The following BOLL variants were observed in gnomAD, a reference collection of about 807,000 sequenced individuals.
BOLL encodes boule RNA binding protein, also known as protein boule-like.
BOLL carries 23 observed loss-of-function variants against 44.4 expected under a neutral mutation model. That is an observed-to-expected ratio of 0.52 (90% CI 0.37 to 0.73). The LOEUF is 0.73. Ranked by LOEUF, BOLL falls within the 30% of genes least tolerant of loss-of-function variation. BOLL has a pLI of 0.00. For missense variants in BOLL, 287 were observed against 338.3 expected, an observed-to-expected ratio of 0.85 and a Z score of 1.19; for synonymous variants, 97 against 110.8, an observed-to-expected ratio of 0.88 and a Z score of 0.78.
At chr2:197,739,409 G>A (rs1349591053) in intron 10 of BOLL, among the ~76,000 whole-genome samples, 1 of 152,152 alleles carries the variant, frequency 6.6e-6, no homozygotes, top group African/African-American at 2.4e-5. Context: ...CTATAGGGGT[G>A]CACCACCATG....
intron 7 of BOLL, among the ~76,000 whole-genome samples, chr2:197,760,317 A>C (rs1688696935): frequency 6.6e-6 from 1 of 152,192 alleles, no homozygotes; most frequent in Non-Finnish European, 1.5e-5. Context: ...ACAGCCCCTG[A>C]CAAACATGTC....
At chr2:197,759,675 C>T (rs554813631) in intron 7 of BOLL, among the ~76,000 whole-genome samples, 31 of 152,302 alleles carry the variant, frequency 2.0e-4, no homozygotes, top group Admixed American at 1.6e-3. Context: ...GGGAAACCAA[C>T]GTCTGTTGCC....
chr2:197,740,342 A>G (rs1054298047), intron 10 of BOLL, among the ~76,000 whole-genome samples: 4 of 152,184 alleles, frequency 2.6e-5, no homozygotes, highest in Admixed American at 2.0e-4. Context: ...TGTATGCAGG[A>G]TTCATATTAC....
At chr2:197,753,412 G>T (rs755628940) in intron 9 of BOLL, among the ~76,000 whole-genome samples, 15 of 152,030 alleles carry the variant, frequency 9.9e-5, no homozygotes, top group Non-Finnish European at 1.8e-4. Flanking sequence ...CTAATATCTA[G>T]AATCTAAACA....
At chr2:197,743,550 G>A (rs919245702) in intron 9 of BOLL, among the ~76,000 whole-genome samples, 1 of 152,110 alleles carries the variant, frequency 6.6e-6, no homozygotes, top group African/African-American at 2.4e-5. Flanking sequence ...GCAGGAGTTA[G>A]GTTTGTGATA....
intron 7 of BOLL, chr2:197,758,858 G>T: frequency 4.4e-6 from 5 of 1,127,076 alleles, no homozygotes; most frequent in Non-Finnish European, 3.7e-6. Context: ...AAACCAGCTT[G>T]CAGTCCAATA....
At chr2:197,784,786 A>T (rs1574877292) in intron 1 of BOLL, 1 of 987,538 alleles carries the variant, frequency 1.0e-6, no homozygotes, top group East Asian at 1.1e-4. Context: ...ATCTAAGTTC[A>T]TTATAAACAA....
At chr2:197,780,686 T>C (rs180703394) in intron 2 of BOLL, among the ~76,000 whole-genome samples, 2 of 152,034 alleles carry the variant, frequency 1.3e-5, no homozygotes, top group South Asian at 4.1e-4. Context: ...ATTTCTCTTG[T>C]GCAGGAAAAA....
chr2:197,747,227 C>T (rs1400370806), intron 9 of BOLL, among the ~76,000 whole-genome samples: 1 of 151,826 alleles, frequency 6.6e-6, no homozygotes, highest in Non-Finnish European at 1.5e-5. Context: ...AAATGTATAC[C>T]ATTTGTCGTT....
Position 197,743,160 on chromosome 2 carries a change from C to A in BOLL, c.730-1G>T. ...CTTGAACTCCATGATCAGAATAAGG[C>A]TATTACAAAAAAAGAGAGAAAAAAT... On this transcript the variant is annotated splice_acceptor_variant, in intron 9 of 10. Transcript: ENST00000392296. LOFTEE classifies it high-confidence loss of function. The A allele has an allele frequency of 6.4e-7, 1 of 1,570,066 alleles. No homozygotes were observed. The highest frequency in any genetic ancestry group is 8.6e-7 in the Non-Finnish European group (1 of 1,160,026).
intron 10 of BOLL, among the ~76,000 whole-genome samples, chr2:197,734,839 G>T (rs1293184625): frequency 2.0e-5 from 3 of 152,084 alleles, no homozygotes; most frequent in Non-Finnish European, 4.4e-5. Flanking sequence ...AGCATTAGGA[G>T]ATATGCCTAA....
chr2:197,734,348 C>G (rs1687368669), intron 10 of BOLL, among the ~76,000 whole-genome samples: 2 of 152,060 alleles, frequency 1.3e-5, no homozygotes, highest in African/African-American at 4.8e-5. Context: ...AATAGGAACA[C>G]TTTTACACTG....
intron 10 of BOLL, among the ~76,000 whole-genome samples, chr2:197,738,076 T>C (rs1687576653): frequency 6.6e-6 from 1 of 152,136 alleles, no homozygotes; most frequent in African/African-American, 2.4e-5. Context: ...ACTTGAGAAT[T>C]CTCCACTTAT....
intron 8 of BOLL, among the ~76,000 whole-genome samples, chr2:197,756,867 T>C (rs1397902028): frequency 6.6e-6 from 1 of 152,164 alleles, no homozygotes; most frequent in East Asian, 1.9e-4. Flanking sequence ...TAATGTGATC[T>C]ATGGTATTTA....
intron 9 of BOLL, among the ~76,000 whole-genome samples, chr2:197,750,349 G>A (rs190711000): frequency 1.3e-5 from 2 of 152,118 alleles, no homozygotes; most frequent in Non-Finnish European, 2.9e-5. Flanking sequence ...GACACAGACT[G>A]GCAAATTGGA....
intron 6 of BOLL, 75 bp from the exon 7 acceptor site, chr2:197,766,678 T>C: frequency 9.2e-7 from 1 of 1,085,800 alleles, no homozygotes; most frequent in Non-Finnish European, 1.4e-6. Flanking sequence ...TCTCAAATTA[T>C]TACCTAAACC....
At chr2:197,745,692 C>T (rs1305530211) in intron 9 of BOLL, among the ~76,000 whole-genome samples, 3 of 152,108 alleles carry the variant, frequency 2.0e-5, no homozygotes, top group Non-Finnish European at 2.9e-5. Flanking sequence ...AAGAAAATGC[C>T]TATGACTCCC....
chr2:197,732,204 A>G (rs1353110758), intron 10 of BOLL, among the ~76,000 whole-genome samples: 1 of 152,054 alleles, frequency 6.6e-6, no homozygotes, highest in Non-Finnish European at 1.5e-5. Context: ...AAACTAGAAA[A>G]TCTAGAAGAA....
At position 197,739,261 on chromosome 2, in the gene BOLL, TA is replaced by T. The variant is rs534991919; in HGVS notation, c.828+3799del. Reference sequence around the variant, plus strand: ...CAAAAGAGGAATTGGTAATTATTATTATTTTTTTATTTTAGAGATATACATG... The same window carrying T: ...CAAAAGAGGAATTGGTAATTATTATTTTTTTTTATTTTAGAGATATACATG... On this transcript the variant is annotated intron_variant, in intron 10 of 10. Transcript: ENST00000392296. Among the ~76,000 whole-genome samples the T allele has an allele frequency of 1.4e-4, 22 of 152,284 alleles. No homozygotes were observed. The South Asian group carries it at 2.3e-3, about 16-fold the overall frequency.
Sources: allele counts gnomAD v4.1 joint callset (sites outside exome capture counted in the v4.1 genomes callset), GRCh38; gene constraint gnomAD v4.1.1; transcripts MANE v1.5; gene names NCBI Gene and HGNC (gene_info 2026-07-23, HGNC 2026-07-21).